VPS35L: variants seen among roughly 807,000 people sequenced by gnomAD.
VPS35L encodes VPS35 endosomal protein sorting factor like.
VPS35L carries 83 observed loss-of-function variants against 133.0 expected under a neutral mutation model. That is an observed-to-expected ratio of 0.62 (90% confidence interval 0.52 to 0.75). VPS35L has a LOEUF of 0.75. Among genes scored for constraint, VPS35L ranks in the 30% least tolerant of loss-of-function variants. The pLI, the probability that VPS35L is intolerant of heterozygous loss-of-function variation, is 0.00. For synonymous variants in VPS35L, 423 were observed against 449.9 expected, an observed-to-expected ratio of 0.94 and a Z score of 0.76; for missense variants, 1,083 against 1,206.8, an observed-to-expected ratio of 0.90 and a Z score of 1.52.
chr16:19,619,029 C>A (rs1972990973), intron 14 of VPS35L, among the ~76,000 whole-genome samples: 1 of 151,568 alleles, frequency 6.6e-6, no homozygotes, highest in Non-Finnish European at 1.5e-5. Flanking sequence ...CTCCCAGGTT[C>A]AAGCGATTCT....
Position 19,642,420 on chromosome 16 carries a change from C to G in VPS35L, c.1809C>G (p.Asp603Glu), listed in dbSNP as rs1973814488. The G allele has an allele frequency of 6.2e-7, 1 of 1,613,760 alleles. No homozygotes were observed. The highest frequency in any genetic ancestry group is 1.3e-5 in the African/African-American group (1 of 74,926). The change falls in exon 22 of 31, where the codon GAC becomes GAG. Residue 603 changes from aspartate (D) to glutamate (E), a missense_variant. Asp to Glu is a conservative substitution (Grantham distance 45, BLOSUM62 2). Transcript: ENST00000417362. ...FIKHQQEPTK[D>E]PVILNALLHV... is the part of the protein sequence containing the mutation. ...GGCATCAACAAGAGCCCACCAAGGA[C>G]CCGGTCATCTTGAATGCCCTTTTGC...
At chr16:19,563,514 T>C (rs2151500096) in intron 1 of VPS35L, among the ~76,000 whole-genome samples, 1 of 152,246 alleles carries the variant, frequency 6.6e-6, no homozygotes. Context: ...TTCTTGCACA[T>C]TCTCTCTCTC....
At chr16:19,604,319 C>T (rs1972479250) in intron 9 of VPS35L, among the ~76,000 whole-genome samples, 1 of 152,128 alleles carries the variant, frequency 6.6e-6, no homozygotes, top group Non-Finnish European at 1.5e-5. Flanking sequence ...ATACAAACAA[C>T]ATTTTAGGGC....
intron 26 of VPS35L, among the ~76,000 whole-genome samples, chr16:19,655,149 G>A (rs1330583161): frequency 1.3e-5 from 2 of 152,096 alleles, no homozygotes; most frequent in African/African-American, 4.8e-5. Context: ...CAGCATCCTC[G>A]GTGTCAGGAC....
At chr16:19,590,575 T>C (rs903040453) in intron 7 of VPS35L, among the ~76,000 whole-genome samples, 4 of 152,130 alleles carry the variant, frequency 2.6e-5, no homozygotes, top group African/African-American at 9.7e-5. Context: ...TCAAAGGTGT[T>C]TGGGGCCACA....
chr16:19,604,332 A>G (rs1972479432), intron 9 of VPS35L, among the ~76,000 whole-genome samples: 2 of 152,186 alleles, frequency 1.3e-5, no homozygotes, highest in African/African-American at 2.4e-5. Context: ...TTTAGGGCCA[A>G]TTAAGGAAAA....
At chr16:19,581,799 A>G (rs892572724) in intron 7 of VPS35L, 146 bp downstream of exon 7, 2 of 976,836 alleles carry the variant, frequency 2.0e-6, no homozygotes, top group Non-Finnish European at 1.5e-6. Flanking sequence ...GTGAAAAGCC[A>G]TGATTATGAA....
At chr16:19,561,722 G>C (rs1237957809) in intron 1 of VPS35L, among the ~76,000 whole-genome samples, 1 of 152,172 alleles carries the variant, frequency 6.6e-6, no homozygotes, top group East Asian at 1.9e-4. Flanking sequence ...AGTGGGTTGG[G>C]AGGGACAAGA....
chr16:19,666,087 T>C lies in VPS35L; in HGVS notation c.2222-3073T>C, dbSNP rs966648299. ...TTATGTTCTGGTTATTAATCCTTTA[T>C]CAGATGGGTAGTTTGCAAATATTTT... On this transcript the variant is annotated intron_variant, in intron 26 of 30. Coordinates refer to ENST00000417362, the MANE Select transcript of VPS35L (RefSeq NM_020314.7). 1.9e-4 allele frequency among the ~76,000 whole-genome samples: 29 copies of C among 152,178 alleles called. 1 individual carries two copies. Among genetic ancestry groups the C allele is most frequent in the Admixed American group, 5.2e-4 (8 of 15,260 alleles).
At position 19,633,314 on chromosome 16, in the gene VPS35L, C is replaced by T. The variant is rs1456498076; in HGVS notation, c.1635+142C>T. 3.9e-6 allele frequency: 3 copies of T among 779,162 alleles called. No individual in the cohort carries two copies. Among genetic ancestry groups the T allele is most frequent in the Non-Finnish European group, 6.4e-6 (3 of 465,352 alleles). 48.3% of individuals were successfully genotyped at this position (779,162 alleles called of 1,614,324 possible). A position where few individuals can be genotyped will look rare whatever the true frequency, so the allele number is the denominator to read the frequency against. On this transcript the variant is annotated intron_variant, in intron 19 of 30. Coordinates refer to ENST00000417362, the MANE Select transcript of VPS35L (RefSeq NM_020314.7). The surrounding 1 kb of genome is among the most constrained non-coding windows in gnomAD (Gnocchi z 4.1). Reference sequence around the variant, plus strand: ...CTCTGCCATATCCTAGCCATGTGCCCTTTGATCAGTTACTTAACCTTGTTG... The same window carrying T: ...CTCTGCCATATCCTAGCCATGTGCCTTTTGATCAGTTACTTAACCTTGTTG...
At chr16:19,670,870 C>G (rs968432247) in intron 27 of VPS35L, among the ~76,000 whole-genome samples, 1 of 152,180 alleles carries the variant, frequency 6.6e-6, no homozygotes, top group Admixed American at 6.5e-5. Context: ...TTACCTTTCA[C>G]TCGATGAATT....
At chr16:19,557,533 C>G (rs1300992867) in intron 1 of VPS35L, among the ~76,000 whole-genome samples, 3 of 151,962 alleles carry the variant, frequency 2.0e-5, no homozygotes, top group African/African-American at 7.2e-5. Context: ...ACAGGCGATG[C>G]CACCACACCA....
At chr16:19,593,103 C>T (rs193138804) in intron 8 of VPS35L, among the ~76,000 whole-genome samples, 1 of 152,152 alleles carries the variant, frequency 6.6e-6, no homozygotes, top group Non-Finnish European at 1.5e-5. Flanking sequence ...CTTTTGGAGC[C>T]AGGTAGAAAG....
chr16:19,628,566 T>C, intron 16 of VPS35L, 71 bp from the exon 17 acceptor site: 1 of 844,308 alleles, frequency 1.2e-6, no homozygotes, highest in Non-Finnish European at 1.9e-6. Flanking sequence ...CTTTTCTCTT[T>C]TCTTTTCTTT....
At position 19,650,442 on chromosome 16, in the gene VPS35L, A is replaced by G. The variant is rs1205693482; in HGVS notation, c.2089A>G (p.Thr697Ala). The change falls in exon 25 of 31, where the codon ACA (threonine) becomes GCA (alanine). Residue 697 changes from threonine to alanine, a missense_variant. Thr to Ala is a moderately conservative substitution (Grantham distance 58). Transcript: ENST00000417362. Reference protein sequence around the residue: ...KVMKGNHSRKTAAFVRACVAY... With the variant: ...KVMKGNHSRKAAAFVRACVAY... ...AATGAAAGGAAATCATTCCAGAAAG[A>G]CAGCTGCATTTGTCCGGGTATGTTC... The G allele has an allele frequency of 6.2e-7, 1 of 1,613,642 alleles. No homozygotes were observed. The highest frequency in any genetic ancestry group is 1.3e-5 in the African/African-American group (1 of 74,924).
In VPS35L at chr16:19,564,775, G is replaced by A. The variant is rs542636522; in HGVS notation, c.18-76G>A. On this transcript the variant is annotated intron_variant, in intron 1 of 30. Coordinates refer to ENST00000417362, the MANE Select transcript of VPS35L (RefSeq NM_020314.7). ...TGCTGTTCTAAACTACCTTGTCATT[G>A]AAGAAGTCTCATCAGAAGTTTTTAG... 4 of 959,810 alleles carry A rather than the reference G, an allele frequency of 4.2e-6. No individual in the cohort carries two copies. In the East Asian group the frequency reaches 9.8e-5, roughly 23 times the overall value. 59.5% of individuals were successfully genotyped at this position (959,810 alleles called of 1,614,324 possible).
intron 18 of VPS35L, among the ~76,000 whole-genome samples, chr16:19,630,528 G>T (rs1973419649): frequency 6.6e-6 from 1 of 151,770 alleles, no homozygotes; most frequent in Admixed American, 6.6e-5. Flanking sequence ...TAGAGACAGG[G>T]TTTCACCATG....
chr16:19,665,706 G>A (rs992494236), intron 26 of VPS35L, among the ~76,000 whole-genome samples: 2 of 152,172 alleles, frequency 1.3e-5, no homozygotes, highest in African/African-American at 2.4e-5. Flanking sequence ...TGGTGGGATT[G>A]CTGGATCCTA....
At chr16:19,561,724 G>C (rs970893610) in intron 1 of VPS35L, among the ~76,000 whole-genome samples, 1 of 152,202 alleles carries the variant, frequency 6.6e-6, no homozygotes, top group African/African-American at 2.4e-5. Flanking sequence ...TGGGTTGGGA[G>C]GGACAAGAAT....
Sources: allele counts gnomAD v4.1 joint callset (sites outside exome capture counted in the v4.1 genomes callset), GRCh38; gene constraint gnomAD v4.1.1; non-coding constraint Gnocchi (gnomAD v3.1); transcripts MANE v1.5; gene names NCBI Gene and HGNC (gene_info 2026-07-23, HGNC 2026-07-21).